The following GSTCD variants were observed in gnomAD, a reference collection of about 807,000 sequenced individuals.
GSTCD encodes the protein glutathione S-transferase C-terminal domain containing, also known as glutathione S-transferase C-terminal domain-containing protein.
In GSTCD, 44 loss-of-function variants were observed where a neutral mutation model predicts 68.3. The observed-to-expected ratio is 0.64, with a 90% CI of 0.51 to 0.83. GSTCD has a LOEUF of 0.83. GSTCD is among the 40% of genes least tolerant of loss of function. The pLI, the probability that GSTCD is intolerant of heterozygous loss-of-function variation, is 0.00. For missense variants in GSTCD, 739 were observed against 735.9 expected (o/e 1.00, Z -0.05); for synonymous variants, 273 against 255.2 (o/e 1.07, Z -0.67).
At chr4:105,802,293 G>A (rs1180380434) in intron 5 of GSTCD, among the ~76,000 whole-genome samples, 2 of 152,078 alleles carry the variant, frequency 1.3e-5, no homozygotes, top group Non-Finnish European at 2.9e-5. Flanking sequence ...CTCTTCAAAT[G>A]TTGCTCCATT....
rs539480494 is a variant in GSTCD, at chr4:105,755,650, A to G, written c.1240+26151A>G. Among the ~76,000 whole-genome samples the G allele has an allele frequency of 2.0e-5, 3 of 152,262 alleles. No homozygotes were observed. The East Asian group carries it at 5.8e-4, about 30-fold the overall frequency. ...CTGCCCCCCACTTCAGATGCCAATC[A>G]CCAGGCTAGGTTGTGACATGTACCC... On this transcript the variant is annotated intron_variant, in intron 5 of 11. Transcript: ENST00000515279.
chr4:105,842,922 T>C (rs1289620259), intron 11 of GSTCD, among the ~76,000 whole-genome samples: 1 of 152,222 alleles, frequency 6.6e-6, no homozygotes, highest in African/African-American at 2.4e-5. Flanking sequence ...TAGTTACTGC[T>C]TCCCAGCATA....
intron 5 of GSTCD, among the ~76,000 whole-genome samples, chr4:105,763,175 G>A (rs1426224131): frequency 6.6e-6 from 1 of 152,106 alleles, no homozygotes; most frequent in Non-Finnish European, 1.5e-5. Context: ...TATCCTCCTA[G>A]AAATTTGTCT....
chr4:105,730,917 T>C (rs1733215068), intron 5 of GSTCD, among the ~76,000 whole-genome samples: 1 of 152,140 alleles, frequency 6.6e-6, no homozygotes, highest in Admixed American at 6.6e-5. Flanking sequence ...ATAATTTTTG[T>C]ATGGGGTGTA....
chr4:105,710,232 A>ATT (rs761574598), intron 1 of GSTCD, among the ~76,000 whole-genome samples: 4,882 of 85,246 alleles, frequency 0.057, 301 homozygotes, highest in East Asian at 0.12. Flanking sequence ...GGGCCCATCA[A>ATT]TTTTTTTTTT....
rs537434063 is a variant in GSTCD, at chr4:105,845,413, C to T, written c.1766-28C>T. 4.3e-5 allele frequency: 69 copies of T among 1,613,530 alleles called. 1 individual carries two copies. The South Asian group carries it at 7.3e-4, about 17-fold the overall frequency. On this transcript the variant is annotated intron_variant, in intron 11 of 11. Coordinates refer to ENST00000515279, the MANE Select transcript of GSTCD (RefSeq NM_001370181.1). ...AACTGTCCTGCTAGTGAAAGGGTGTCTCATGATACCATTTGACTGTGTTTC... is the reference window on the plus strand; with the variant it reads ...AACTGTCCTGCTAGTGAAAGGGTGTTTCATGATACCATTTGACTGTGTTTC...
rs116817670 is a variant in GSTCD, at chr4:105,790,267, T to C, written c.1241-32687T>C. 5.1e-3 allele frequency among the ~76,000 whole-genome samples: 783 copies of C among 152,172 alleles called. 13 individuals are homozygous for C. The highest frequency in any genetic ancestry group is 0.018 in the African/African-American group (751 of 41,424). Reference sequence around the variant, plus strand: ...CATATTTTTAAGAAAATGATAGATATGGACATTAGTATGCTTTACAAATCC... The same window carrying C: ...CATATTTTTAAGAAAATGATAGATACGGACATTAGTATGCTTTACAAATCC... On this transcript the variant is annotated intron_variant, in intron 5 of 11. Transcript: ENST00000515279.
At chr4:105,760,977 A>C (rs1304020179) in intron 5 of GSTCD, 1 of 312,380 alleles carries the variant, frequency 3.2e-6, no homozygotes, top group Non-Finnish European at 6.0e-6. Context: ...AATTTTGTAT[A>C]TCTCATTATC....
At chr4:105,748,639 GTT>G (rs1733894367) in intron 5 of GSTCD, among the ~76,000 whole-genome samples, 1 of 151,960 alleles carries the variant, frequency 6.6e-6, no homozygotes, top group Non-Finnish European at 1.5e-5. Flanking sequence ...CCAAGAACAT[GTT>G]TGCTATTTGC....
chr4:105,800,372 C>T (rs1297062614), intron 5 of GSTCD, among the ~76,000 whole-genome samples: 15 of 152,132 alleles, frequency 9.9e-5, no homozygotes, highest in African/African-American at 3.6e-4. Flanking sequence ...TCCCAGGACA[C>T]GTGGGAATTG....
At chr4:105,800,251 G>C (rs1050113406) in intron 5 of GSTCD, among the ~76,000 whole-genome samples, 1 of 152,130 alleles carries the variant, frequency 6.6e-6, no homozygotes, top group Non-Finnish European at 1.5e-5. Context: ...AAGAGAGCTT[G>C]TGCAAGGAAA....
At chr4:105,782,955 A>C (rs1227427078) in intron 5 of GSTCD, among the ~76,000 whole-genome samples, 2 of 152,194 alleles carry the variant, frequency 1.3e-5, no homozygotes, top group Non-Finnish European at 2.9e-5. Context: ...GGCTAAACTC[A>C]AGTAATTTTT....
intron 3 of GSTCD, 72 bp downstream of exon 3, chr4:105,719,599 G>C: frequency 8.9e-7 from 1 of 1,124,818 alleles, no homozygotes; most frequent in South Asian, 1.4e-5. Context: ...TTGAATTTCT[G>C]TTTTACTTTT....
intron 1 of GSTCD, among the ~76,000 whole-genome samples, chr4:105,714,070 T>G (rs1732615044): frequency 6.6e-6 from 1 of 151,866 alleles, no homozygotes; most frequent in African/African-American, 2.4e-5. Context: ...AACCTATGAC[T>G]AATTCCACCA....
chr4:105,810,306 G>A (rs1722701867), intron 5 of GSTCD, among the ~76,000 whole-genome samples: 1 of 152,038 alleles, frequency 6.6e-6, no homozygotes, highest in African/African-American at 2.4e-5. Flanking sequence ...ATAATAGGAA[G>A]AAATATATAA....
At chr4:105,731,738 G>A (rs1733249227) in intron 5 of GSTCD, among the ~76,000 whole-genome samples, 1 of 152,172 alleles carries the variant, frequency 6.6e-6, no homozygotes, top group Non-Finnish European at 1.5e-5. Context: ...TGTTGAATAG[G>A]AGTGATGAGA....
chr4:105,725,234 C>T lies in GSTCD; in HGVS notation c.895-1345C>T, dbSNP rs1029238131. Reference sequence around the variant, plus strand: ...ATTGTATAGCTGTACCACAGTTTATCCATTCATCTACTGAAGGGCATCTTG... The same window carrying T: ...ATTGTATAGCTGTACCACAGTTTATTCATTCATCTACTGAAGGGCATCTTG... On this transcript the variant is annotated intron_variant, in intron 3 of 11. Coordinates refer to ENST00000515279, the MANE Select transcript of GSTCD (RefSeq NM_001370181.1). Among the ~76,000 whole-genome samples the T allele has an allele frequency of 2.6e-5, 4 of 152,130 alleles. No homozygotes were observed. The South Asian group carries it at 8.3e-4, about 32-fold the overall frequency.
At chr4:105,794,287 G>C (rs1735787098) in intron 5 of GSTCD, among the ~76,000 whole-genome samples, 1 of 151,902 alleles carries the variant, frequency 6.6e-6, no homozygotes. Context: ...GAGCACAGAG[G>C]ATATTTAGGG....
chr4:105,816,232 G>T (rs1432193559), intron 5 of GSTCD, among the ~76,000 whole-genome samples: 1 of 152,238 alleles, frequency 6.6e-6, no homozygotes, highest in African/African-American at 2.4e-5. Context: ...GGTGAAAGGT[G>T]CATGATATTT....
Sources: gnomAD v4.1 joint callset for allele counts (sites outside exome capture counted in the v4.1 genomes callset) on GRCh38, gnomAD v4.1.1 for gene constraint, MANE v1.5 for transcripts, NCBI Gene and HGNC (gene_info 2026-07-23, HGNC 2026-07-21) for gene names.